Variants in OXNAD1 observed in about 807,000 individuals in gnomAD.
OXNAD1 encodes oxidoreductase NAD-binding domain-containing protein 1.
OXNAD1 carries 34 observed loss-of-function variants against 32.9 expected under a neutral mutation model. The observed-to-expected ratio is 1.03, with a 90% CI of 0.79 to 1.38. The LOEUF is 1.38. OXNAD1 is among the 40% of genes most tolerant of loss of function. The pLI is 0.00. For synonymous variants in OXNAD1, 134 were observed against 135.2 expected (o/e 0.99, Z 0.06); for missense variants, 407 against 379.4 (o/e 1.07, Z -0.60).
At chr3:16,340,692 G>A (rs1321148813), downstream of OXNAD1, among the ~76,000 whole-genome samples, 1 of 152,226 alleles carries the variant, frequency 6.6e-6, no homozygotes, top group Non-Finnish European at 1.5e-5. Context: ...TAACTCTGCA[G>A]TTATAGATTT....
At chr3:16,351,907 T>C (rs2072131084), downstream of OXNAD1, among the ~76,000 whole-genome samples, 1 of 152,160 alleles carries the variant, frequency 6.6e-6, no homozygotes, top group African/African-American at 2.4e-5. The surrounding 1 kb of genome is among the most constrained non-coding windows in gnomAD (Gnocchi z 5.4). Context: ...AAACATGGAT[T>C]CTGCAGTCAG....
exon 10 of OXNAD1, chr3:16,349,384 G>C (rs922811339): frequency 3.9e-5 from 6 of 152,216 alleles, no homozygotes; most frequent in African/African-American, 1.2e-4. Flanking sequence ...ACAGAAGGGG[G>C]TACCTGAGCC....
rs1321643056 is a variant in OXNAD1, at chr3:16,327,789, T to G, written c.*31-9323T>G. 2.0e-5 allele frequency among the ~76,000 whole-genome samples: 3 copies of G among 151,342 alleles called. No individual in the cohort carries two copies. The highest frequency in any genetic ancestry group is 1.3e-4 in the Admixed American group (2 of 15,204). On this transcript the variant is annotated intron_variant, in intron 9 of 9. Transcript: ENST00000435829. The surrounding 1 kb of genome is among the most constrained non-coding windows in gnomAD (Gnocchi z 4.2). ...AAAAAAAAACAAAACGAAAAAAACT[T>G]CAGCCCCCTGCTAGCACAGGGAGAG...
In OXNAD1 at chr3:16,320,318, T is replaced by C. The variant is rs565625067; in HGVS notation, c.*30+16726T>C. Among the ~76,000 whole-genome samples, 2 of 152,200 alleles carry C rather than the reference T, an allele frequency of 1.3e-5. No individual in the cohort carries two copies. The highest frequency in any genetic ancestry group is 2.4e-5 in the African/African-American group (1 of 41,446). On this transcript the variant is annotated intron_variant, in intron 9 of 9. Transcript: ENST00000435829. This position sits in a 1 kb window ranked among gnomAD's most constrained non-coding sequence, Gnocchi z 4.5. ...AGTCCTGATTAGAAAAATCTATCCA[T>C]GTTGCTGATTAAAAGAAGACTAAAT...
downstream of OXNAD1, among the ~76,000 whole-genome samples, chr3:16,308,618 T>C (rs2067738797): frequency 6.6e-6 from 1 of 152,208 alleles, no homozygotes; most frequent in Admixed American, 6.5e-5. This position sits in a 1 kb window ranked among gnomAD's most constrained non-coding sequence, Gnocchi z 4.4. Flanking sequence ...TGGTCTTTAA[T>C]ATTACTCTTT....
At chr3:16,325,849 C>T (rs761161625) in intron 9 of OXNAD1, among the ~76,000 whole-genome samples, 8 of 152,224 alleles carry the variant, frequency 5.3e-5, no homozygotes, top group Non-Finnish European at 1.0e-4. Flanking sequence ...TTGCCCCATG[C>T]TGTCCATCAC....
Position 16,336,324 on chromosome 3 carries a change from G to T in OXNAD1, c.*31-788G>T, listed in dbSNP as rs1422138070. On this transcript the variant is annotated intron_variant, in intron 9 of 9. Coordinates refer to the OXNAD1 transcript ENST00000435829. This position sits in a 1 kb window ranked among gnomAD's most constrained non-coding sequence, Gnocchi z 6.0. ...TCTGCCCCAGGAGATCCCAGTCTAG[G>T]GGTGGGGAGAACAAGCACATGGTTC... 6.6e-6 allele frequency among the ~76,000 whole-genome samples: 1 copy of T among 152,166 alleles called. No individual in the cohort carries two copies. Among genetic ancestry groups the T allele is most frequent in the Non-Finnish European group, 1.5e-5 (1 of 68,016 alleles).
rs111849488 is a variant in OXNAD1, at chr3:16,324,613, AC to A, written c.*31-12490del. 6.7e-3 allele frequency among the ~76,000 whole-genome samples: 613 copies of A among 90,818 alleles called. 61 individuals carry two copies. Among genetic ancestry groups the A allele is most frequent in the African/African-American group, 0.025 (556 of 22,478 alleles). 59.6% of individuals were successfully genotyped at this position (90,818 alleles called of 152,430 possible). On this transcript the variant is annotated intron_variant, in intron 9 of 9. Transcript: ENST00000435829. ...TGTAATAAATAACAGAATGTCCCTG[AC>A]CCCCCCCCTTTTAAGGTTGCATAGT...
chr3:16,340,812 C>T (rs6791860), downstream of OXNAD1, among the ~76,000 whole-genome samples: 44,561 of 152,016 alleles, frequency 0.29, 7,002 homozygotes, highest in African/African-American at 0.39. Flanking sequence ...AAATTTGTTT[C>T]CGTGGGATAA....
At chr3:16,283,713 C>T (rs1575090040) in intron 4 of OXNAD1, among the ~76,000 whole-genome samples, 1 of 151,956 alleles carries the variant, frequency 6.6e-6, no homozygotes, top group East Asian at 1.9e-4. Flanking sequence ...GTGGTAGAGG[C>T]AGTAGGAGCA....
At chr3:16,325,210 C>A (rs929782577) in intron 9 of OXNAD1, among the ~76,000 whole-genome samples, 1 of 152,164 alleles carries the variant, frequency 6.6e-6, no homozygotes, top group Non-Finnish European at 1.5e-5. Flanking sequence ...CAATGCTCCA[C>A]GGAATCCAAC....
intron 9 of OXNAD1, among the ~76,000 whole-genome samples, chr3:16,324,613 A>AACCCCC (rs1553718056): frequency 2.2e-5 from 2 of 90,798 alleles, no homozygotes; most frequent in African/African-American, 8.9e-5. Context: ...AATGTCCCTG[A>AACCCCC]CCCCCCCCCT....
Position 16,317,148 on chromosome 3 carries a change from GTTGT to G in OXNAD1, c.*30+13561_*30+13564del. 1.2e-6 allele frequency: 2 copies of G among 1,613,572 alleles called. No homozygotes were observed. The highest frequency in any genetic ancestry group is 1.7e-6 in the Non-Finnish European group (2 of 1,179,942). On this transcript the variant is annotated intron_variant, in intron 9 of 9. Coordinates refer to the OXNAD1 transcript ENST00000435829. The surrounding 1 kb of genome is among the most constrained non-coding windows in gnomAD (Gnocchi z 4.3). ...AAGTTCTTCTCATTTTCTTCTGCTT[GTTGT>G]TTGTCTCTGGCACTGAGTTTACCTT...
At position 16,301,095 on chromosome 3, in the gene OXNAD1, C is replaced by CAGTA. The variant is rs944693904; in HGVS notation, c.433-530_433-527dup. The stretch of plus-strand genomic sequence containing the variant: ...CTAGGGAGACAGGAACAGCACTGAA[C>CAGTA]AGTACTACAGGGCTGGTCTAAGCCT... On this transcript the variant is annotated intron_variant, in intron 6 of 8. Transcript: ENST00000285083. The surrounding 1 kb of genome is among the most constrained non-coding windows in gnomAD (Gnocchi z 4.1). Among the ~76,000 whole-genome samples the CAGTA allele has an allele frequency of 2.6e-5, 4 of 152,208 alleles. No individual in the cohort carries two copies. The highest frequency in any genetic ancestry group is 5.9e-5 in the Non-Finnish European group (4 of 68,042).
intron 9 of OXNAD1, among the ~76,000 whole-genome samples, chr3:16,325,815 C>G (rs2125220998): frequency 6.6e-6 from 1 of 152,340 alleles, no homozygotes; most frequent in East Asian, 1.9e-4. Context: ...ATTCTGCACT[C>G]TCAATCACCC....
At chr3:16,276,998 C>A (rs2065385237) in intron 4 of OXNAD1, among the ~76,000 whole-genome samples, 1 of 150,588 alleles carries the variant, frequency 6.6e-6, no homozygotes, top group African/African-American at 2.4e-5. Flanking sequence ...GATCTTGGCT[C>A]ACTGCAACCT....
At chr3:16,310,663 A>C (rs2067907481), downstream of OXNAD1, among the ~76,000 whole-genome samples, 1 of 152,146 alleles carries the variant, frequency 6.6e-6, no homozygotes, top group Non-Finnish European at 1.5e-5. Flanking sequence ...TTCCTGGCTC[A>C]GGGCTTTGCT....
rs2071712557 is a variant in OXNAD1, at chr3:16,346,280, A to G, written c.*31-2896A>G. The G allele has an allele frequency of 6.6e-6, 1 of 152,242 alleles. No homozygotes were observed. The highest frequency in any genetic ancestry group is 1.5e-5 in the Non-Finnish European group (1 of 68,036). The allele number at this position is 152,242 out of a possible 1,614,324, so 9.4% of individuals were successfully genotyped here. A position where few individuals can be genotyped will look rare whatever the true frequency, so the allele number is the denominator to read the frequency against. On this transcript the variant is annotated intron_variant, in intron 9 of 9. Coordinates refer to the OXNAD1 transcript ENST00000606098. The surrounding 1 kb of genome is among the most constrained non-coding windows in gnomAD (Gnocchi z 4.4). The stretch of plus-strand genomic sequence containing the variant: ...GCTCTCACAGTGGCTGACACACAGT[A>G]GGAACTCAATATTTATTTGTTGGAT...
rs1435790929 is a variant in OXNAD1 at position 16,326,787 on chromosome 3, G to A, written c.*31-10325G>A. 1.3e-5 allele frequency: 21 copies of A among 1,613,694 alleles called. 1 individual carries two copies. Among genetic ancestry groups the A allele is most frequent in the South Asian group, 9.9e-5 (9 of 91,044 alleles). On this transcript the variant is annotated intron_variant, in intron 9 of 9. Coordinates refer to the OXNAD1 transcript ENST00000435829. ...GTTATTGTTACCTGGTAGTCTTGAC[G>A]ACGGGAGTTGGTAGCACACAGGTGA...
Sources: allele counts gnomAD v4.1 joint callset (sites outside exome capture counted in the v4.1 genomes callset), GRCh38; gene constraint gnomAD v4.1.1; non-coding constraint Gnocchi (gnomAD v3.1); transcripts MANE v1.5; gene names NCBI Gene and HGNC (gene_info 2026-07-23, HGNC 2026-07-21).